Variants in KHDRBS2 observed in about 807,000 individuals in gnomAD.
KHDRBS2 encodes KH domain-containing, RNA-binding, signal transduction-associated protein 2.
A neutral mutation model predicts 44.3 loss-of-function variants in KHDRBS2; 26 were observed. That is an observed-to-expected ratio of 0.59 (90% CI 0.43 to 0.81). The LOEUF is 0.81. Among genes scored for constraint, KHDRBS2 ranks in the 40% least tolerant of loss-of-function variants. The pLI is 0.00. For missense variants in KHDRBS2, 476 were observed against 433.1 expected (o/e 1.10, Z -0.88); for synonymous variants, 194 against 151.1 (o/e 1.28, Z -2.08).
At chr6:61,827,577 T>C (rs1384212911) in intron 6 of KHDRBS2, among the ~76,000 whole-genome samples, 1 of 152,022 alleles carries the variant, frequency 6.6e-6, no homozygotes, top group Non-Finnish European at 1.5e-5. Context: ...CTCTCTGGGG[T>C]ATATATTTGT....
intron 3 of KHDRBS2, among the ~76,000 whole-genome samples, chr6:62,034,693 GAAAAAAA>G (rs1171214560): frequency 1.6e-5 from 1 of 60,756 alleles, no homozygotes; most frequent in Non-Finnish European, 3.0e-5. Flanking sequence ...ATTCTGAACA[GAAAAAAA>G]AAAAAAAAAA....
intron 6 of KHDRBS2, among the ~76,000 whole-genome samples, chr6:61,759,911 C>T (rs1248585282): frequency 6.6e-6 from 1 of 152,120 alleles, no homozygotes; most frequent in Non-Finnish European, 1.5e-5. Context: ...TGTTTTAAGC[C>T]TGGCCAGACT....
chr6:61,565,659 A>T, the KHDRBS2 span, among the ~76,000 whole-genome samples: 22 of 152,208 alleles, frequency 1.4e-4, no homozygotes, highest in East Asian at 4.1e-3. Context: ...AAAAATAATG[A>T]ATGTTGGTGA....
the KHDRBS2 span, among the ~76,000 whole-genome samples, chr6:61,671,479 T>C: frequency 6.6e-6 from 1 of 151,686 alleles, no homozygotes; most frequent in Non-Finnish European, 1.5e-5. Flanking sequence ...TAATAAAGTG[T>C]AAGAGACTGA....
chr6:61,776,567 G>A (rs1425536725), intron 6 of KHDRBS2, among the ~76,000 whole-genome samples: 1 of 152,180 alleles, frequency 6.6e-6, no homozygotes, highest in Non-Finnish European at 1.5e-5. Flanking sequence ...TCAGAGAAAT[G>A]CAAATCAAAA....
chr6:62,223,407 G>C (rs902410856), intron 1 of KHDRBS2, among the ~76,000 whole-genome samples: 30 of 152,314 alleles, frequency 2.0e-4, no homozygotes, highest in Middle Eastern at 6.8e-3. Context: ...TTTTCTCCTA[G>C]GCCTCTGGGC....
At chr6:62,267,774 T>TA (rs796955981) in intron 1 of KHDRBS2, among the ~76,000 whole-genome samples, 33 of 152,086 alleles carry the variant, frequency 2.2e-4, no homozygotes, top group African/African-American at 7.5e-4. Flanking sequence ...GATAAAAGTA[T>TA]AAAAAGATGC....
At chr6:62,173,910 T>C (rs115418872) in intron 2 of KHDRBS2, among the ~76,000 whole-genome samples, 172 of 152,056 alleles carry the variant, frequency 1.1e-3, no homozygotes, top group African/African-American at 4.0e-3. Context: ...AGGGAATATA[T>C]TTCAAAATAA....
At chr6:61,630,423 T>C in the KHDRBS2 span, 1 of 152,100 alleles carries the variant, frequency 6.6e-6, no homozygotes. Context: ...GGCTGCATTT[T>C]GGTGAAGGCC....
chr6:62,028,922 A>G (rs896570110), intron 3 of KHDRBS2, among the ~76,000 whole-genome samples: 3 of 152,068 alleles, frequency 2.0e-5, no homozygotes, highest in Non-Finnish European at 1.5e-5. Flanking sequence ...AAGAAGTGAT[A>G]ATTTTTTTTC....
chr6:62,064,654 G>T (rs1490692768), intron 2 of KHDRBS2, among the ~76,000 whole-genome samples: 7 of 151,746 alleles, frequency 4.6e-5, no homozygotes, highest in Admixed American at 2.6e-4. Context: ...AGATTTGAAC[G>T]TTAGACCTAA....
chr6:61,689,844 T>C (rs990594328), intron 8 of KHDRBS2, among the ~76,000 whole-genome samples: 2 of 152,028 alleles, frequency 1.3e-5, no homozygotes, highest in African/African-American at 2.4e-5. Context: ...AAGACACTGA[T>C]TGTGAGTCAT....
At chr6:61,772,418 G>A (rs557460241) in intron 6 of KHDRBS2, among the ~76,000 whole-genome samples, 10 of 152,124 alleles carry the variant, frequency 6.6e-5, no homozygotes, top group East Asian at 1.9e-4. Flanking sequence ...TTGATAGACC[G>A]CTAGCAAGAC....
rs554145827 is a variant in KHDRBS2 at position 62,029,243 on chromosome 6, G to A, written c.336+18635C>T. Among the ~76,000 whole-genome samples the A allele has an allele frequency of 2.0e-5, 3 of 151,820 alleles. No individual in the cohort carries two copies. In the South Asian group the frequency reaches 6.2e-4, roughly 32 times the overall value. ...GGCAAAATGTTAGTAACAGTTGCAAGAAAACATTAGGAATACAGTAACAAA... is the reference window on the plus strand; with the variant it reads ...GGCAAAATGTTAGTAACAGTTGCAAAAAAACATTAGGAATACAGTAACAAA... On this transcript the variant is annotated intron_variant, in intron 3 of 8. Transcript: ENST00000281156.
chr6:62,193,576 C>T (rs1212485555), intron 1 of KHDRBS2, among the ~76,000 whole-genome samples: 1 of 152,068 alleles, frequency 6.6e-6, no homozygotes, highest in East Asian at 1.9e-4. Context: ...GTCCCCTTCA[C>T]CCAACTCTAA....
intron 4 of KHDRBS2, among the ~76,000 whole-genome samples, chr6:61,961,396 G>C (rs1241365044): frequency 6.9e-6 from 1 of 145,866 alleles, no homozygotes; most frequent in Non-Finnish European, 1.5e-5. Flanking sequence ...GAAAGAAAAA[G>C]AAAGAAAGAA....
intron 1 of KHDRBS2, among the ~76,000 whole-genome samples, chr6:62,257,023 A>T (rs559800755): frequency 6.6e-6 from 1 of 152,252 alleles, no homozygotes; most frequent in East Asian, 1.9e-4. Context: ...ATACAGATCA[A>T]TCCTCAAACT....
At chr6:61,897,971 T>C (rs1435370008) in intron 5 of KHDRBS2, among the ~76,000 whole-genome samples, 4 of 152,142 alleles carry the variant, frequency 2.6e-5, no homozygotes, top group African/African-American at 9.6e-5. Context: ...TCATCAATTA[T>C]GCAAAATAAA....
At chr6:61,663,395 TATA>T in the KHDRBS2 span, among the ~76,000 whole-genome samples, 2 of 145,166 alleles carry the variant, frequency 1.4e-5, no homozygotes, top group African/African-American at 2.5e-5. Context: ...AAACTTAAAG[TATA>T]ATAATAATAA....
Sources: gnomAD v4.1 joint callset for allele counts (sites outside exome capture counted in the v4.1 genomes callset) on GRCh38, gnomAD v4.1.1 for gene constraint, MANE v1.5 for transcripts, NCBI Gene and HGNC (gene_info 2026-07-23, HGNC 2026-07-21) for gene names.